PRR16: variants seen among roughly 807,000 people sequenced by gnomAD.
PRR16 encodes proline rich 16.
PRR16 carries 6 observed loss-of-function variants against 18.2 expected under a neutral mutation model. The ratio of observed to expected loss-of-function variants is 0.33; its 90% CI spans 0.18 to 0.65. PRR16 has a LOEUF of 0.65. PRR16 is among the 30% of genes least tolerant of loss of function. PRR16 has a pLI of 0.74. For synonymous variants in PRR16, 151 were observed against 147.8 expected (o/e 1.02, Z -0.16); for missense variants, 412 against 376.6 (o/e 1.09, Z -0.78).
At chr5:120,532,919 A>C (rs1443984216) in intron 1 of PRR16, among the ~76,000 whole-genome samples, 1 of 152,208 alleles carries the variant, frequency 6.6e-6, no homozygotes, top group African/African-American at 2.4e-5. Context: ...GAATAGAATG[A>C]GTGGACCTGG....
the PRR16 span, among the ~76,000 whole-genome samples, chr5:120,749,196 G>A: frequency 2.8e-4 from 43 of 152,088 alleles, no homozygotes; most frequent in African/African-American, 1.0e-3. Flanking sequence ...ATAAAGGTAT[G>A]ATTTGAAAAT....
chr5:120,643,770 C>T (rs1407882045), intron 1 of PRR16, among the ~76,000 whole-genome samples: 1 of 151,914 alleles, frequency 6.6e-6, no homozygotes, highest in African/African-American at 2.4e-5. Context: ...TTTGGGAGGC[C>T]GAGGTGGGCA....
chr5:120,617,081 A>C (rs1435641927), intron 1 of PRR16: 1 of 982,334 alleles, frequency 1.0e-6, no homozygotes, highest in Non-Finnish European at 1.2e-6. Context: ...AAAGTTTTCT[A>C]ATTTTTTTAA....
chr5:120,469,512 T>C (rs1048091716), intron 1 of PRR16, among the ~76,000 whole-genome samples: 1 of 151,792 alleles, frequency 6.6e-6, no homozygotes, highest in African/African-American at 2.4e-5. Flanking sequence ...TTTTTTTTGA[T>C]AGAGATGGTG....
chr5:120,736,725 T>C, the PRR16 span, among the ~76,000 whole-genome samples: 1 of 152,032 alleles, frequency 6.6e-6, no homozygotes, highest in South Asian at 2.1e-4. Flanking sequence ...CTCATGAACA[T>C]TGGATGTCTT....
Position 120,495,445 on chromosome 5 carries a change from C to A in PRR16, c.159+30800C>A, listed in dbSNP as rs1458571955. Among the ~76,000 whole-genome samples, 3 of 152,074 alleles carry A rather than the reference C, an allele frequency of 2.0e-5. No individual in the cohort carries two copies. The South Asian group carries it at 6.2e-4, about 31-fold the overall frequency. On this transcript the variant is annotated intron_variant, in intron 1 of 1. Transcript: ENST00000407149. Reference sequence around the variant, plus strand: ...TATTTGCATATAACCTACACACAGCCTCCATCTGTAGATTACTTATAATAC... The same window carrying A: ...TATTTGCATATAACCTACACACAGCATCCATCTGTAGATTACTTATAATAC...
the PRR16 span, among the ~76,000 whole-genome samples, chr5:120,711,724 G>A: frequency 6.6e-6 from 1 of 152,272 alleles, no homozygotes; most frequent in Admixed American, 6.5e-5. Context: ...GCCTTGTAGT[G>A]CATAAGAGAT....
At chr5:120,498,128 T>C (rs2112838524) in intron 1 of PRR16, among the ~76,000 whole-genome samples, 1 of 151,472 alleles carries the variant, frequency 6.6e-6, no homozygotes, top group African/African-American at 2.4e-5. Flanking sequence ...TCCTGACTTC[T>C]TGTGGGTTAC....
In PRR16 at chr5:120,514,109, ATATAT is replaced by A. The variant is rs1580670969; in HGVS notation, c.159+49467_159+49471del. On this transcript the variant is annotated intron_variant, in intron 1 of 1. Transcript: ENST00000407149. The stretch of plus-strand genomic sequence containing the variant: ...CCCAGCATTTAGCATCGTGTTTCAC[ATATAT>A]TAGGTGCCCAATAAGTATTTTATGA... 2.6e-5 allele frequency among the ~76,000 whole-genome samples: 4 copies of A among 152,272 alleles called. No homozygotes were observed. In the East Asian group the frequency reaches 7.7e-4, roughly 29 times the overall value.
chr5:120,673,747 T>A (rs747703963), intron 1 of PRR16, among the ~76,000 whole-genome samples: 3 of 151,898 alleles, frequency 2.0e-5, no homozygotes, highest in Non-Finnish European at 4.4e-5. Context: ...GAGACCAGCC[T>A]GTGCAACATA....
intron 1 of PRR16, among the ~76,000 whole-genome samples, chr5:120,652,242 T>A (rs978114405): frequency 6.6e-6 from 1 of 152,078 alleles, no homozygotes; most frequent in Non-Finnish European, 1.5e-5. Flanking sequence ...ATGTTTTTTT[T>A]GTTTATTGAT....
In PRR16 at chr5:120,671,087, A is replaced by G. The variant is rs140282888; in HGVS notation, c.160-14867A>G. ...CCTCCTTTTTCTAGCTTGCCTGCTT[A>G]TTTACTAAAATCCTAAAATGTGCAC... On this transcript the variant is annotated intron_variant, in intron 1 of 1. Coordinates refer to ENST00000407149, the MANE Select transcript of PRR16 (RefSeq NM_001300783.2). 1.5e-3 allele frequency among the ~76,000 whole-genome samples: 229 copies of G among 151,978 alleles called. 2 individuals carry two copies. Among genetic ancestry groups the G allele is most frequent in the South Asian group, 3.7e-3 (18 of 4,810 alleles).
intron 1 of PRR16, among the ~76,000 whole-genome samples, chr5:120,620,738 T>C (rs1384222408): frequency 2.0e-5 from 3 of 152,088 alleles, no homozygotes; most frequent in African/African-American, 7.2e-5. Flanking sequence ...GCAAGCCTTG[T>C]CTCTCCCTAG....
At chr5:120,563,855 T>A (rs1284271917) in intron 1 of PRR16, among the ~76,000 whole-genome samples, 2 of 152,196 alleles carry the variant, frequency 1.3e-5, no homozygotes, top group Non-Finnish European at 2.9e-5. Context: ...TAGCTGGGAA[T>A]GTGCTGGTTC....
At chr5:120,587,464 C>T (rs1753485698) in intron 1 of PRR16, among the ~76,000 whole-genome samples, 2 of 152,252 alleles carry the variant, frequency 1.3e-5, no homozygotes, top group East Asian at 1.9e-4. Flanking sequence ...GCTAATGCAC[C>T]TGATGACTTT....
chr5:120,563,835 A>G (rs903420976), intron 1 of PRR16, among the ~76,000 whole-genome samples: 3 of 152,170 alleles, frequency 2.0e-5, no homozygotes, highest in African/African-American at 4.8e-5. Context: ...CTATTTCACC[A>G]TAGCCACCAT....
the PRR16 span, among the ~76,000 whole-genome samples, chr5:120,763,798 T>G: frequency 6.6e-6 from 1 of 152,098 alleles, no homozygotes; most frequent in African/African-American, 2.4e-5. Flanking sequence ...CCTAGGTGTT[T>G]TATTTATTTA....
At chr5:120,464,670 G>C (rs1044885284) in intron 1 of PRR16, 25 bp downstream of exon 1, 21 of 1,534,178 alleles carry the variant, frequency 1.4e-5, no homozygotes, top group Non-Finnish European at 5.2e-6. Context: ...GGTGGGGAGG[G>C]AGTTCGGCAC....
intron 1 of PRR16, among the ~76,000 whole-genome samples, chr5:120,606,665 G>A (rs1302078485): frequency 6.6e-6 from 1 of 152,194 alleles, no homozygotes; most frequent in East Asian, 1.9e-4. Flanking sequence ...CATGTTGAGA[G>A]GCCAAGATGG....
Sources: gnomAD v4.1 joint callset for allele counts (sites outside exome capture counted in the v4.1 genomes callset) on GRCh38, gnomAD v4.1.1 for gene constraint, MANE v1.5 for transcripts, NCBI Gene and HGNC (gene_info 2026-07-23, HGNC 2026-07-21) for gene names.